PTPRA: variants seen among roughly 807,000 people sequenced by gnomAD.
The protein encoded by PTPRA is receptor-type tyrosine-protein phosphatase alpha.
PTPRA carries 25 observed loss-of-function variants against 104.8 expected under a neutral mutation model. That is an observed-to-expected ratio of 0.24 (90% CI 0.17 to 0.33). The LOEUF (loss-of-function observed/expected upper bound fraction) is 0.33, where lower values mean the gene tolerates loss of function less well. Among genes scored for constraint, PTPRA ranks in the 10% least tolerant of loss-of-function variants. The pLI is 1.00. For synonymous variants in PTPRA, 323 were observed against 368.9 expected (o/e 0.88, Z 1.43); for missense variants, 765 against 1,015.3 (o/e 0.75, Z 3.35).
chr20:2,951,487 C>G (rs989765773), intron 3 of PTPRA, among the ~76,000 whole-genome samples: 4 of 152,136 alleles, frequency 2.6e-5, no homozygotes, highest in African/African-American at 9.7e-5. Context: ...TCCTTTATGT[C>G]GCTCTCATAG....
At chr20:2,884,056 T>C (rs1286330804) in intron 1 of PTPRA, among the ~76,000 whole-genome samples, 1 of 152,228 alleles carries the variant, frequency 6.6e-6, no homozygotes, top group African/African-American at 2.4e-5. Flanking sequence ...ATTCATGTTG[T>C]ATCATGTATC....
chr20:2,922,400 C>A (rs1395735534), intron 1 of PTPRA, among the ~76,000 whole-genome samples: 3 of 152,168 alleles, frequency 2.0e-5, no homozygotes, highest in Admixed American at 2.0e-4. Flanking sequence ...AGTACACTGT[C>A]ACGATCTCGG....
At chr20:3,004,149 C>G (rs2063753747) in intron 9 of PTPRA, among the ~76,000 whole-genome samples, 1 of 152,214 alleles carries the variant, frequency 6.6e-6, no homozygotes, top group Non-Finnish European at 1.5e-5. Flanking sequence ...TCCTGAGTAG[C>G]TGGGGTTACA....
chr20:2,955,048 T>C (rs1278146108), intron 3 of PTPRA, among the ~76,000 whole-genome samples: 1 of 152,242 alleles, frequency 6.6e-6, no homozygotes, highest in East Asian at 1.9e-4. Context: ...TGTCTATTCC[T>C]CTGCTAATAC....
chr20:3,019,558 C>T lies in PTPRA; in HGVS notation c.1041+1645C>T, dbSNP rs1344323041. 2.0e-5 allele frequency among the ~76,000 whole-genome samples: 3 copies of T among 151,674 alleles called. No homozygotes were observed. The East Asian group carries it at 5.9e-4, about 30-fold the overall frequency. On this transcript the variant is annotated intron_variant, in intron 13 of 23. Transcript: ENST00000399903. Reference sequence around the variant, plus strand: ...GCTCCTCACTTCCTAGATGGGATGGCGGCCGGGCAGAGACTCTCCTCACTT... The same window carrying T: ...GCTCCTCACTTCCTAGATGGGATGGTGGCCGGGCAGAGACTCTCCTCACTT...
Position 3,022,836 on chromosome 20 carries a change from G to A in PTPRA, c.1464+12G>A, listed in dbSNP as rs779994113. On this transcript the variant is annotated intron_variant, in intron 16 of 23. Transcript: ENST00000399903. This position sits in a 1 kb window ranked among gnomAD's most constrained non-coding sequence, Gnocchi z 4.6. ...TGGTGCAAACCGATGTGAGTGATCT[G>A]TGGGTCAGGTGAGGGTGGGGGGTTC... The A allele has an allele frequency of 2.5e-6, 4 of 1,614,152 alleles. No individual in the cohort carries two copies. The highest frequency in any genetic ancestry group is 1.3e-5 in the African/African-American group (1 of 75,054).
At chr20:3,017,755 G>A (rs2064538290) in intron 12 of PTPRA, 61 bp from the exon 13 acceptor site, 2 of 1,453,242 alleles carry the variant, frequency 1.4e-6, no homozygotes, top group Non-Finnish European at 1.9e-6. Flanking sequence ...GATGTTCCCA[G>A]CCTCCCAGCA....
intron 3 of PTPRA, among the ~76,000 whole-genome samples, chr20:2,956,907 A>G (rs2147858425): frequency 6.6e-6 from 1 of 152,308 alleles, no homozygotes; most frequent in East Asian, 1.9e-4. Flanking sequence ...ATATTTATAG[A>G]TTATATGAGA....
intron 9 of PTPRA, among the ~76,000 whole-genome samples, chr20:2,992,558 G>T (rs1187100565): frequency 1.3e-5 from 2 of 152,088 alleles, no homozygotes; most frequent in African/African-American, 2.4e-5. Context: ...GTTTACGATG[G>T]GGAGTTGAAG....
chr20:2,993,234 G>C (rs775891271), intron 9 of PTPRA, among the ~76,000 whole-genome samples: 2 of 152,222 alleles, frequency 1.3e-5, no homozygotes, highest in African/African-American at 4.8e-5. Flanking sequence ...TAGCAGGAGA[G>C]GGGTGGTGGG....
chr20:2,915,133 A>G (rs2059855499), intron 1 of PTPRA, among the ~76,000 whole-genome samples: 1 of 151,728 alleles, frequency 6.6e-6, no homozygotes, highest in Non-Finnish European at 1.5e-5. Flanking sequence ...GCTGGAATAC[A>G]GTGGCTATTC....
intron 22 of PTPRA, among the ~76,000 whole-genome samples, chr20:3,036,709 A>G (rs2065816730): frequency 1.3e-5 from 2 of 152,236 alleles, no homozygotes; most frequent in African/African-American, 4.8e-5. Flanking sequence ...GATATTGTCA[A>G]GGTCAGAGTC....
intron 1 of PTPRA, among the ~76,000 whole-genome samples, chr20:2,910,606 T>A (rs1323005512): frequency 9.9e-5 from 13 of 131,584 alleles, no homozygotes; most frequent in Admixed American, 7.6e-4. Context: ...TTTTGTTTTT[T>A]TTAATTTTTT....
At chr20:2,866,860 T>G in the PTPRA span, 11 of 404,828 alleles carry the variant, frequency 2.7e-5, no homozygotes, top group African/African-American at 1.0e-4. Context: ...CCAGCCATAC[T>G]CGCAAGAAAC....
At chr20:2,951,272 T>C (rs2061345010) in intron 3 of PTPRA, among the ~76,000 whole-genome samples, 1 of 152,114 alleles carries the variant, frequency 6.6e-6, no homozygotes, top group Non-Finnish European at 1.5e-5. Flanking sequence ...CAGCTAGTTT[T>C]TGTATTTTTA....
rs912575794 is a variant in PTPRA at position 3,022,874 on chromosome 20, A to G, written c.1464+50A>G. The G allele has an allele frequency of 4.3e-6, 7 of 1,611,140 alleles. No homozygotes were observed. The African/African-American group carries it at 5.3e-5, about 12-fold the overall frequency. ...GGGTGGGGGGTTCCAGGACTAAAAC[A>G]TCTGCCCACATTGAGGATTCACTCA... is the stretch of plus-strand genomic sequence containing the variant. On this transcript the variant is annotated intron_variant, in intron 16 of 23. Coordinates refer to ENST00000399903, the MANE Select transcript of PTPRA (RefSeq NM_001385305.1). The surrounding 1 kb of genome is among the most constrained non-coding windows in gnomAD (Gnocchi z 4.6).
intron 20 of PTPRA, among the ~76,000 whole-genome samples, chr20:3,034,682 T>C (rs2065712858): frequency 6.6e-6 from 1 of 152,164 alleles, no homozygotes; most frequent in South Asian, 2.1e-4. Flanking sequence ...TTCAACACTT[T>C]AATAATCATG....
At chr20:3,025,870 A>G (rs1201541528) in intron 17 of PTPRA, among the ~76,000 whole-genome samples, 2 of 126,844 alleles carry the variant, frequency 1.6e-5, no homozygotes, top group Non-Finnish European at 3.0e-5. Flanking sequence ...CTCTGTCTCA[A>G]AAAAAAAAAA....
At chr20:2,894,940 T>G (rs888489230) in intron 1 of PTPRA, among the ~76,000 whole-genome samples, 94 of 144,352 alleles carry the variant, frequency 6.5e-4, no homozygotes, top group African/African-American at 2.3e-3. Flanking sequence ...TGAGCAGAGA[T>G]CACGTCACTG....
Sources: allele counts gnomAD v4.1 joint callset (sites outside exome capture counted in the v4.1 genomes callset), GRCh38; gene constraint gnomAD v4.1.1; non-coding constraint Gnocchi (gnomAD v3.1); transcripts MANE v1.5; gene names NCBI Gene and HGNC (gene_info 2026-07-23, HGNC 2026-07-21).